TDRD3: variants seen among roughly 807,000 people sequenced by gnomAD.
TDRD3 encodes tudor domain-containing protein 3.
Under a neutral mutation model 86.7 loss-of-function variants are expected in TDRD3, and 45 were observed. That is an observed-to-expected ratio of 0.52 (90% CI 0.41 to 0.67). The LOEUF (loss-of-function observed/expected upper bound fraction) is 0.67. Among genes scored for constraint, TDRD3 ranks in the 30% least tolerant of loss-of-function variants. The pLI, the probability that TDRD3 is intolerant of heterozygous loss-of-function variation, is 0.00. For synonymous variants in TDRD3, 298 were observed against 301.7 expected (o/e 0.99, Z 0.13); for missense variants, 814 against 889.0 (o/e 0.92, Z 1.07).
At chr13:60,496,706 A>G (rs1956726699) in intron 8 of TDRD3, among the ~76,000 whole-genome samples, 2 of 152,124 alleles carry the variant, frequency 1.3e-5, no homozygotes, top group Non-Finnish European at 2.9e-5. Flanking sequence ...TTGGTGGACA[A>G]AGTGATGAAA....
upstream of TDRD3, among the ~76,000 whole-genome samples, chr13:60,395,570 A>T (rs1446703665): frequency 6.6e-6 from 1 of 152,192 alleles, no homozygotes; most frequent in Non-Finnish European, 1.5e-5. Flanking sequence ...GCAGTGGTAA[A>T]TCCTTACTGA....
intron 7 of TDRD3, among the ~76,000 whole-genome samples, chr13:60,490,601 A>C (rs1459318425): frequency 6.6e-6 from 1 of 152,166 alleles, no homozygotes; most frequent in Non-Finnish European, 1.5e-5. Flanking sequence ...ATTCTGAAAG[A>C]GTAATTGTGG....
chr13:60,469,913 T>A (rs1211150505), intron 5 of TDRD3, among the ~76,000 whole-genome samples: 1 of 152,190 alleles, frequency 6.6e-6, no homozygotes, highest in Non-Finnish European at 1.5e-5. Flanking sequence ...ATTTTAACCA[T>A]TTTTTAAATG....
chr13:60,463,685 A>G (rs1051543314), intron 4 of TDRD3, among the ~76,000 whole-genome samples: 3 of 152,162 alleles, frequency 2.0e-5, no homozygotes, highest in Non-Finnish European at 4.4e-5. Flanking sequence ...CAAAAAATCC[A>G]ATTAAAAATT....
chr13:60,510,498 G>C (rs1412897295), intron 9 of TDRD3, 132 bp from the exon 10 acceptor site: 2 of 960,958 alleles, frequency 2.1e-6, no homozygotes, highest in African/African-American at 3.4e-5. Context: ...TTACTTAAAA[G>C]ATGTAGACTA....
At chr13:60,542,627 A>C (rs1402508289) in intron 12 of TDRD3, among the ~76,000 whole-genome samples, 1 of 152,214 alleles carries the variant, frequency 6.6e-6, no homozygotes, top group Non-Finnish European at 1.5e-5. Flanking sequence ...GTGATGGACT[A>C]AAAGTGGACT....
chr13:60,522,627 T>G (rs189970750), intron 10 of TDRD3, among the ~76,000 whole-genome samples: 23 of 152,356 alleles, frequency 1.5e-4, no homozygotes, highest in African/African-American at 5.3e-4. Flanking sequence ...CTATGTAGTC[T>G]TTCTTTTGCT....
chr13:60,523,150 T>TA (rs1333214644), intron 10 of TDRD3, among the ~76,000 whole-genome samples: 1 of 152,134 alleles, frequency 6.6e-6, no homozygotes, highest in Non-Finnish European at 1.5e-5. Context: ...TTTCTTCAGG[T>TA]AGGTGTATCA....
intron 1 of TDRD3, among the ~76,000 whole-genome samples, chr13:60,401,702 A>G (rs1407217140): frequency 6.6e-6 from 1 of 152,198 alleles, no homozygotes; most frequent in Non-Finnish European, 1.5e-5. Context: ...TTTTGAGGGC[A>G]GAGATGGGAT....
intron 4 of TDRD3, among the ~76,000 whole-genome samples, chr13:60,464,304 G>A (rs192313264): frequency 1.1e-3 from 170 of 152,220 alleles, no homozygotes; most frequent in Non-Finnish European, 4.7e-4. Context: ...ACCACTGATC[G>A]GAATGTAAAT....
intron 1 of TDRD3, among the ~76,000 whole-genome samples, chr13:60,400,189 A>C (rs573913339): frequency 9.2e-5 from 14 of 152,332 alleles, no homozygotes; most frequent in African/African-American, 3.4e-4. Context: ...CGGGGAGAAG[A>C]AATTTGACTC....
intron 10 of TDRD3, among the ~76,000 whole-genome samples, chr13:60,524,237 C>T (rs1566270575): frequency 1.3e-5 from 2 of 151,928 alleles, no homozygotes; most frequent in Admixed American, 6.6e-5. Context: ...TGGCTGAGCA[C>T]GGGGCTCATG....
chr13:60,431,837 A>C (rs1954961609), intron 1 of TDRD3, among the ~76,000 whole-genome samples: 1 of 151,960 alleles, frequency 6.6e-6, no homozygotes, highest in African/African-American at 2.4e-5. Context: ...CTTATATTGA[A>C]AGTAGTTTAC....
chr13:60,413,340 G>A (rs1006316396), intron 1 of TDRD3, among the ~76,000 whole-genome samples: 1 of 152,128 alleles, frequency 6.6e-6, no homozygotes, highest in Non-Finnish European at 1.5e-5. Context: ...ATCTGCTTGA[G>A]AAGCTGTATG....
rs182919788 is a variant in TDRD3, at chr13:60,496,938, C to T, written c.858+2363C>T. ...GGATTCTAAGGAATGGAACCTTGGG[C>T]CATGCAGTGTTATAGCTCTGTTAGA... On this transcript the variant is annotated intron_variant, in intron 8 of 13. Transcript: ENST00000377881. Among the ~76,000 whole-genome samples, 425 of 152,266 alleles carry T rather than the reference C, an allele frequency of 2.8e-3. 1 individual carries two copies. The highest frequency in any genetic ancestry group is 6.0e-3 in the South Asian group (29 of 4,814).
intron 3 of TDRD3, among the ~76,000 whole-genome samples, chr13:60,451,443 G>T (rs1333154119): frequency 1.3e-5 from 2 of 152,132 alleles, no homozygotes; most frequent in African/African-American, 4.8e-5. Flanking sequence ...GTTCCAGCTC[G>T]TGAAGTTCAT....
At position 60,467,127 on chromosome 13, in the gene TDRD3, C is replaced by G. The variant is rs114669017; in HGVS notation, c.354-111C>G. On this transcript the variant is annotated intron_variant, in intron 4 of 13. Transcript: ENST00000377881. ...TGCATTAGCTGTTTTTCCTAATGCT[C>G]TCCCTCCCACTACCCCACTGCCTGA... 2,150 of 1,282,976 alleles carry G rather than the reference C, an allele frequency of 1.7e-3. 34 individuals carry two copies. In the African/African-American group the frequency reaches 0.028, roughly 16 times the overall value. 79.5% of individuals were successfully genotyped at this position (1,282,976 alleles called of 1,614,324 possible). A position where few individuals can be genotyped will look rare whatever the true frequency, so the allele number is the denominator to read the frequency against.
At chr13:60,572,959 G>GGAGACTGTTTACTTCCCTA (rs1958620102) in intron 13 of TDRD3, among the ~76,000 whole-genome samples, 1 of 152,160 alleles carries the variant, frequency 6.6e-6, no homozygotes, top group African/African-American at 2.4e-5. Context: ...TTTCTAAGCA[G>GGAGACTGTTTACTTCCCTA]GAGACTGTTT....
chr13:60,571,154 T>A (rs1452622281), intron 13 of TDRD3, among the ~76,000 whole-genome samples: 1 of 152,142 alleles, frequency 6.6e-6, no homozygotes, highest in African/African-American at 2.4e-5. Context: ...ACTACAAAAT[T>A]CACCCTAAAA....
Sources: gnomAD v4.1 joint callset for allele counts (sites outside exome capture counted in the v4.1 genomes callset) on GRCh38, gnomAD v4.1.1 for gene constraint, MANE v1.5 for transcripts, NCBI Gene and HGNC (gene_info 2026-07-23, HGNC 2026-07-21) for gene names.